KIAA2012: variants seen among roughly 807,000 people sequenced by gnomAD.
KIAA2012 encodes uncharacterized protein KIAA2012.
In KIAA2012, 125 loss-of-function variants were observed where a neutral mutation model predicts 150.6. That is an observed-to-expected ratio of 0.83 (90% CI 0.72 to 0.96). The LOEUF is 0.96. Among genes scored for constraint, KIAA2012 ranks in the 40% least tolerant of loss-of-function variants. The pLI is 0.00. For synonymous variants in KIAA2012, 462 were observed against 504.7 expected (o/e 0.92, Z 1.13); for missense variants, 1,219 against 1,354.9 (o/e 0.90, Z 1.57).
At chr2:202,179,108 A>G (rs1404943101) in intron 15 of KIAA2012, among the ~76,000 whole-genome samples, 1 of 152,222 alleles carries the variant, frequency 6.6e-6, no homozygotes, top group Admixed American at 6.5e-5. Context: ...TCCTTTCAAA[A>G]ACAGTTTTGT....
intron 23 of KIAA2012, among the ~76,000 whole-genome samples, chr2:202,202,931 G>GAA (rs34202403): frequency 2.4e-5 from 3 of 126,002 alleles, no homozygotes; most frequent in Non-Finnish European, 3.4e-5. Context: ...TGTCTCTTAA[G>GAA]AAAAAAAAAA....
intron 3 of KIAA2012, among the ~76,000 whole-genome samples, chr2:202,091,375 TCCCAACATTCCTTAGTAC>T (rs1391866215): frequency 6.6e-6 from 1 of 152,172 alleles, no homozygotes; most frequent in African/African-American, 2.4e-5. Context: ...TCCACATTCT[TCCCAACATTCCTTAGTAC>T]CCCATCTGAG....
chr2:202,125,699 T>A (rs1029687747), intron 12 of KIAA2012: 1 of 359,400 alleles, frequency 2.8e-6, no homozygotes, highest in African/African-American at 2.2e-5. Context: ...CTCAGGCTTG[T>A]ATTTTCAATG....
At chr2:202,132,878 C>T (rs1192736310) in intron 12 of KIAA2012, among the ~76,000 whole-genome samples, 3 of 133,102 alleles carry the variant, frequency 2.3e-5, no homozygotes, top group Non-Finnish European at 4.7e-5. Flanking sequence ...GGGTGGATCA[C>T]GAGGTCAGGA....
At chr2:202,126,518 T>C (rs1690792518) in intron 12 of KIAA2012, among the ~76,000 whole-genome samples, 1 of 152,042 alleles carries the variant, frequency 6.6e-6, no homozygotes, top group African/African-American at 2.4e-5. Flanking sequence ...CTGACGAAGG[T>C]AGAAAGAGTT....
chr2:202,116,516 G>A (rs188999877), intron 11 of KIAA2012: 1 of 116,218 alleles, frequency 8.6e-6, no homozygotes, highest in Admixed American at 1.2e-4. Context: ...GTGTTGCCCA[G>A]GCTGGTCTCA....
chr2:202,106,801 G>A (rs1348906880), intron 9 of KIAA2012, among the ~76,000 whole-genome samples: 2 of 152,250 alleles, frequency 1.3e-5, no homozygotes, highest in Non-Finnish European at 2.9e-5. Context: ...CTAAGTGTTT[G>A]TGTTTATGTG....
In KIAA2012 at chr2:202,104,633, G is replaced by A. The variant is rs1467077458; in HGVS notation, c.1325-1128G>A. On this transcript the variant is annotated intron_variant, in intron 8 of 23. Coordinates refer to ENST00000498697, the MANE Select transcript of KIAA2012 (RefSeq NM_001277372.4). This position sits in a 1 kb window ranked among gnomAD's most constrained non-coding sequence, Gnocchi z 4.3. ...GGCTATCCCTTGCTGTCTGGTACTG[G>A]CCCTCTGATAATTACAGCAGGCAGA... 1.3e-5 allele frequency among the ~76,000 whole-genome samples: 2 copies of A among 152,212 alleles called. No homozygotes were observed. Among genetic ancestry groups the A allele is most frequent in the Admixed American group, 6.5e-5 (1 of 15,280 alleles).
chr2:202,155,216 C>T (rs768742240), intron 14 of KIAA2012, among the ~76,000 whole-genome samples: 3 of 152,172 alleles, frequency 2.0e-5, no homozygotes, highest in Admixed American at 2.0e-4. Context: ...ACTATTTAGA[C>T]GTCAACTGCA....
At chr2:202,198,442 T>G (rs1692452000) in intron 22 of KIAA2012, among the ~76,000 whole-genome samples, 1 of 152,144 alleles carries the variant, frequency 6.6e-6, no homozygotes, top group Admixed American at 6.6e-5. Context: ...TACTTCCAGA[T>G]GAAGTTAGGG....
intron 10 of KIAA2012, among the ~76,000 whole-genome samples, chr2:202,111,195 G>A (rs1213789540): frequency 6.6e-6 from 1 of 152,014 alleles, no homozygotes; most frequent in Non-Finnish European, 1.5e-5. Flanking sequence ...GGGAGAATCT[G>A]ATTAGAATAG....
At chr2:202,117,336 C>T (rs1690552228) in intron 11 of KIAA2012, among the ~76,000 whole-genome samples, 1 of 152,192 alleles carries the variant, frequency 6.6e-6, no homozygotes, top group South Asian at 2.1e-4. Context: ...TAGGGGTAAA[C>T]ATAGGCTAAG....
intron 14 of KIAA2012, among the ~76,000 whole-genome samples, chr2:202,160,598 C>T (rs1357162397): frequency 6.6e-6 from 1 of 152,138 alleles, no homozygotes; most frequent in East Asian, 1.9e-4. Context: ...CAGGCGTGAG[C>T]CACCACGCCC....
intron 23 of KIAA2012, among the ~76,000 whole-genome samples, chr2:202,204,013 C>A (rs1452264682): frequency 1.3e-5 from 2 of 151,944 alleles, no homozygotes; most frequent in African/African-American, 4.8e-5. Flanking sequence ...TTGTGATCCG[C>A]CTACCTTGGC....
intron 12 of KIAA2012, among the ~76,000 whole-genome samples, chr2:202,131,085 A>C (rs1209258284): frequency 1.3e-5 from 2 of 152,184 alleles, no homozygotes; most frequent in African/African-American, 4.8e-5. Context: ...TTTGAAAATT[A>C]ATGTAGACAT....
chr2:202,173,929 C>A (rs1691943870), intron 15 of KIAA2012, among the ~76,000 whole-genome samples: 1 of 152,140 alleles, frequency 6.6e-6, no homozygotes, highest in African/African-American at 2.4e-5. Context: ...GTAAACATCA[C>A]ACTTGAATAC....
At chr2:202,099,946 C>G in intron 6 of KIAA2012, 150 bp downstream of exon 6, 3 of 746,692 alleles carry the variant, frequency 4.0e-6, no homozygotes, top group Non-Finnish European at 4.2e-6. Flanking sequence ...GGGAATGAGA[C>G]TCTGGCAGGC....
At chr2:202,203,130 A>G (rs1692561956) in intron 23 of KIAA2012, among the ~76,000 whole-genome samples, 1 of 152,140 alleles carries the variant, frequency 6.6e-6, no homozygotes, top group Non-Finnish European at 1.5e-5. Flanking sequence ...ACGTAAATCC[A>G]GAAGCCTTGG....
rs951712201 is a variant in KIAA2012 at position 202,090,028 on chromosome 2, G to T, written c.370-742G>T. Among the ~76,000 whole-genome samples the T allele has an allele frequency of 4.6e-5, 7 of 152,212 alleles. No individual in the cohort carries two copies. In the South Asian group the frequency reaches 1.0e-3, roughly 23 times the overall value. On this transcript the variant is annotated intron_variant, in intron 2 of 23. Coordinates refer to ENST00000498697, the MANE Select transcript of KIAA2012 (RefSeq NM_001277372.4). ...TAGGGATGTCTGCCATGGACACTGG[G>T]AAGGGTGAGAGATGTCAACACAAAT...
Sources: gnomAD v4.1 joint callset for allele counts (sites outside exome capture counted in the v4.1 genomes callset) on GRCh38, gnomAD v4.1.1 for gene constraint, Gnocchi (gnomAD v3.1) non-coding constraint, MANE v1.5 for transcripts, NCBI Gene and HGNC (gene_info 2026-07-23, HGNC 2026-07-21) for gene names.